Variants in CACNA2D1 observed in about 807,000 individuals in gnomAD.
The protein encoded by CACNA2D1 is voltage-dependent calcium channel subunit alpha-2/delta-1.
A neutral mutation model predicts 171.5 loss-of-function variants in CACNA2D1; 53 were observed. That is an observed-to-expected ratio of 0.31 (90% CI 0.25 to 0.39). The LOEUF (loss-of-function observed/expected upper bound fraction) is 0.39. Ranked by LOEUF, CACNA2D1 falls within the 10% of genes least tolerant of loss-of-function variation. The pLI, the probability that CACNA2D1 is intolerant of heterozygous loss-of-function variation, is 1.00. For missense variants in CACNA2D1, 903 were observed against 1,299.8 expected, an observed-to-expected ratio of 0.69 and a Z score of 4.69; for synonymous variants, 442 against 443.1, an observed-to-expected ratio of 1.00 and a Z score of 0.03.
At chr7:82,395,523 T>C (rs1164175225) in intron 1 of CACNA2D1, among the ~76,000 whole-genome samples, 3 of 152,242 alleles carry the variant, frequency 2.0e-5, no homozygotes, top group African/African-American at 2.4e-5. Flanking sequence ...CATATAAGCA[T>C]GTAAGGCACT....
intron 1 of CACNA2D1, among the ~76,000 whole-genome samples, chr7:82,362,125 C>A (rs529352042): frequency 1.3e-5 from 2 of 152,058 alleles, no homozygotes; most frequent in South Asian, 4.1e-4. Flanking sequence ...TAAGATGGCA[C>A]GCCCATGTAA....
At chr7:82,093,167 C>T (rs1275382779) in intron 6 of CACNA2D1, among the ~76,000 whole-genome samples, 1 of 152,134 alleles carries the variant, frequency 6.6e-6, no homozygotes, top group East Asian at 1.9e-4. Flanking sequence ...CAGAAGTAAC[C>T]ACTTGATCTT....
chr7:82,026,749 C>T (rs886303361), intron 12 of CACNA2D1, among the ~76,000 whole-genome samples: 8 of 151,564 alleles, frequency 5.3e-5, no homozygotes, highest in Non-Finnish European at 1.0e-4. Flanking sequence ...CATTTGAAGC[C>T]ATATTTGAAG....
At chr7:82,161,216 T>C (rs918562354) in intron 4 of CACNA2D1, among the ~76,000 whole-genome samples, 4 of 152,032 alleles carry the variant, frequency 2.6e-5, no homozygotes, top group Non-Finnish European at 4.4e-5. Context: ...GTTCCTTTCC[T>C]TCCTTTCTCT....
chr7:81,962,995 TAGAGAGATAC>T (rs1444323005), intron 34 of CACNA2D1, among the ~76,000 whole-genome samples: 1 of 151,950 alleles, frequency 6.6e-6, no homozygotes, highest in African/African-American at 2.4e-5. Context: ...ATATACATAT[TAGAGAGATAC>T]AGCACATTTC....
intron 3 of CACNA2D1, among the ~76,000 whole-genome samples, chr7:82,227,714 A>G (rs1255618754): frequency 6.6e-6 from 1 of 152,194 alleles, no homozygotes; most frequent in Non-Finnish European, 1.5e-5. Flanking sequence ...GAAACCTTAA[A>G]GCCAGAGATT....
rs972521629 is a variant in CACNA2D1 at position 82,117,141 on chromosome 7, C to T, written c.429G>A (p.Gln143=). The T allele has an allele frequency of 1.2e-6, 2 of 1,613,718 alleles. No homozygotes were observed. The highest frequency in any genetic ancestry group is 2.7e-5 in the African/African-American group (2 of 74,920). The change falls in exon 6 of 39, where the codon CAG becomes CAA. Residue 143 remains glutamine, a synonymous_variant. Transcript: ENST00000356860. The part of the protein sequence containing the change: ...PEKNDSEPGS[Q]RIKPVFIEDA... ...CTTCAATGAAAACAGGTTTTATCCTCTGGCTGCCTGGCTCACTGTCATTTT... is the reference window on the plus strand; with the variant it reads ...CTTCAATGAAAACAGGTTTTATCCTTTGGCTGCCTGGCTCACTGTCATTTT...
intron 31 of CACNA2D1, 23 bp downstream of exon 31, chr7:81,967,146 G>C (rs370284934): frequency 6.1e-5 from 97 of 1,577,382 alleles, no homozygotes; most frequent in Non-Finnish European, 7.9e-5. Context: ...GTACTCAAAA[G>C]TGATTTTAAA....
intron 3 of CACNA2D1, among the ~76,000 whole-genome samples, chr7:82,246,372 A>G (rs779038920): frequency 3.0e-4 from 46 of 152,262 alleles, no homozygotes; most frequent in Non-Finnish European, 5.6e-4. Flanking sequence ...ATCTCAATAA[A>G]TATCTGGCAC....
chr7:82,193,207 TA>T (rs1798517691), intron 3 of CACNA2D1, among the ~76,000 whole-genome samples: 1 of 152,002 alleles, frequency 6.6e-6, no homozygotes, highest in Admixed American at 6.6e-5. Flanking sequence ...GTACGATAAA[TA>T]ATTAAATACT....
At chr7:82,334,899 A>G (rs1363121167) in intron 3 of CACNA2D1, among the ~76,000 whole-genome samples, 1 of 152,062 alleles carries the variant, frequency 6.6e-6, no homozygotes, top group African/African-American at 2.4e-5. Context: ...GGATACATAT[A>G]CATATAATCA....
intron 6 of CACNA2D1, among the ~76,000 whole-genome samples, chr7:82,097,008 G>A (rs1811963528): frequency 6.6e-6 from 1 of 152,076 alleles, no homozygotes; most frequent in Non-Finnish European, 1.5e-5. Flanking sequence ...CTAAGCAAAG[G>A]TTTTGAGGGG....
At chr7:82,027,022 TAGAGA>T (rs1391936564) in intron 12 of CACNA2D1, among the ~76,000 whole-genome samples, 3 of 151,688 alleles carry the variant, frequency 2.0e-5, no homozygotes, top group South Asian at 2.1e-4. Flanking sequence ...CTTCAGGAGA[TAGAGA>T]AGAGAATAGT....
At chr7:82,009,977 C>G (rs867602972) in intron 15 of CACNA2D1, among the ~76,000 whole-genome samples, 66 of 152,082 alleles carry the variant, frequency 4.3e-4, no homozygotes, top group African/African-American at 1.5e-3. Context: ...CCAAAAATGA[C>G]CAAGGTATCA....
chr7:82,043,044 T>A (rs1357749169), intron 10 of CACNA2D1, among the ~76,000 whole-genome samples: 2 of 152,158 alleles, frequency 1.3e-5, no homozygotes, highest in African/African-American at 2.4e-5. Context: ...AAATGAATAA[T>A]GGATAAATGT....
At chr7:81,952,463 T>TTCAA (rs150106689) in intron 38 of CACNA2D1, among the ~76,000 whole-genome samples, 4,242 of 152,220 alleles carry the variant, frequency 0.028, 74 homozygotes, top group Non-Finnish European at 0.045. Context: ...AAATTTTAGT[T>TTCAA]TCAATCAATT....
Position 82,032,776 on chromosome 7 carries a change from ATAT to A in CACNA2D1, c.1143+18_1143+20del, listed in dbSNP as rs1562897602. The A allele has an allele frequency of 7.7e-7, 1 of 1,291,618 alleles. No homozygotes were observed. The highest frequency in any genetic ancestry group is 1.2e-5 in the South Asian group (1 of 80,088). 80.0% of individuals were successfully genotyped at this position (1,291,618 alleles called of 1,614,324 possible). A position where few individuals can be genotyped will look rare whatever the true frequency, so the allele number is the denominator to read the frequency against. ...CACCTAGATCATTATTAAAATTTAAATATTATAAAATTACACTCACTTTTTTAT... is the reference window on the plus strand; with the variant it reads ...CACCTAGATCATTATTAAAATTTAAATATAAAATTACACTCACTTTTTTAT... On this transcript the variant is annotated intron_variant, in intron 12 of 38. Coordinates refer to ENST00000356860, the MANE Select transcript of CACNA2D1 (RefSeq NM_000722.4).
chr7:82,326,612 C>T (rs577337570), intron 3 of CACNA2D1, among the ~76,000 whole-genome samples: 1 of 108,476 alleles, frequency 9.2e-6, no homozygotes, highest in Non-Finnish European at 2.3e-5. Context: ...AGTAAAACTC[C>T]GAAAACTTTC....
intron 6 of CACNA2D1, among the ~76,000 whole-genome samples, chr7:82,094,339 C>T (rs1235680587): frequency 1.3e-5 from 2 of 152,084 alleles, no homozygotes; most frequent in African/African-American, 4.8e-5. Flanking sequence ...ATTTCTAAGA[C>T]AACATGAGGT....
Sources: allele counts gnomAD v4.1 joint callset (sites outside exome capture counted in the v4.1 genomes callset), GRCh38; gene constraint gnomAD v4.1.1; transcripts MANE v1.5; gene names NCBI Gene and HGNC (gene_info 2026-07-23, HGNC 2026-07-21).